Variants in HDAC4 observed in about 807,000 individuals in gnomAD.
HDAC4 encodes histone deacetylase A.
A neutral mutation model predicts 135.1 loss-of-function variants in HDAC4; 16 were observed. The observed-to-expected ratio is 0.12, with a 90% CI of 0.08 to 0.18. The LOEUF is 0.18. Ranked by LOEUF, HDAC4 falls within the 10% of genes least tolerant of loss-of-function variation. The probability of loss-of-function intolerance (pLI) is 1.00; values close to 1 mark genes in which losing one functional copy is unlikely to be tolerated. For synonymous variants in HDAC4, 685 were observed against 653.4 expected (o/e 1.05, Z -0.74); for missense variants, 1,143 against 1,511.8 (o/e 0.76, Z 4.05).
chr2:239,251,500 C>T (rs928168518), intron 2 of HDAC4, among the ~76,000 whole-genome samples: 46 of 152,154 alleles, frequency 3.0e-4, no homozygotes, highest in Admixed American at 2.0e-3. Context: ...GAGGCTGAGG[C>T]ACGAGGATCT....
At chr2:239,204,305 C>G (rs1460952650) in intron 3 of HDAC4, among the ~76,000 whole-genome samples, 5 of 152,206 alleles carry the variant, frequency 3.3e-5, no homozygotes, top group African/African-American at 9.6e-5. Flanking sequence ...TGTGCCCGGG[C>G]CACGGGCCCT....
At chr2:239,362,670 G>C (rs1025987963) in intron 1 of HDAC4, among the ~76,000 whole-genome samples, 1 of 152,136 alleles carries the variant, frequency 6.6e-6, no homozygotes, top group Non-Finnish European at 1.5e-5. Context: ...ACACAAAGGA[G>C]AGCAGCCTGC....
intron 2 of HDAC4, among the ~76,000 whole-genome samples, chr2:239,342,679 TTGTAGCAC>T (rs1351376176): frequency 6.6e-6 from 1 of 152,156 alleles, no homozygotes; most frequent in Non-Finnish European, 1.5e-5. Context: ...TGAGTCCGTG[TTGTAGCAC>T]TGAAGGAAAG....
At chr2:239,074,188 A>G (rs62189537) in intron 22 of HDAC4, among the ~76,000 whole-genome samples, 15,083 of 152,322 alleles carry the variant, frequency 0.099, 955 homozygotes, top group Non-Finnish European at 0.15. Flanking sequence ...TTCTTGTCAT[A>G]AAACCTTTTT....
At chr2:239,361,937 C>A (rs936187170) in intron 1 of HDAC4, among the ~76,000 whole-genome samples, 3 of 152,208 alleles carry the variant, frequency 2.0e-5, no homozygotes, top group African/African-American at 7.2e-5. Flanking sequence ...ATGGAAAGCA[C>A]ATGCTACTAA....
chr2:239,101,764 C>T (rs1224693883), intron 16 of HDAC4, among the ~76,000 whole-genome samples: 1 of 152,110 alleles, frequency 6.6e-6, no homozygotes, highest in African/African-American at 2.4e-5. Flanking sequence ...CCCTGGGATC[C>T]CCTGGCCCTC....
At chr2:239,226,148 C>T (rs2047227436) in intron 3 of HDAC4, among the ~76,000 whole-genome samples, 1 of 152,088 alleles carries the variant, frequency 6.6e-6, no homozygotes, top group Non-Finnish European at 1.5e-5. Flanking sequence ...CCTTAAAGCA[C>T]ACAAAGCTGG....
chr2:239,074,736 C>T (rs1008719576), intron 22 of HDAC4, among the ~76,000 whole-genome samples: 7 of 152,224 alleles, frequency 4.6e-5, no homozygotes, highest in African/African-American at 1.7e-4. Flanking sequence ...AACGTCCCTT[C>T]TCCTCCATGG....
intron 11 of HDAC4, among the ~76,000 whole-genome samples, chr2:239,131,107 A>G (rs1437459417): frequency 6.6e-6 from 1 of 152,242 alleles, no homozygotes; most frequent in African/African-American, 2.4e-5. Flanking sequence ...GGAGCAGCAC[A>G]TGAACAGGGA....
At chr2:239,144,797 C>T (rs1274356825) in intron 7 of HDAC4, 83 bp from the exon 8 acceptor site, 8 of 1,404,308 alleles carry the variant, frequency 5.7e-6, no homozygotes, top group Admixed American at 1.7e-5. Context: ...TAAAAATACG[C>T]ACTCTGGTGA....
rs1269967222 is a variant in HDAC4, at chr2:239,240,266, T to C, written c.23-3602A>G. Among the ~76,000 whole-genome samples, 1 of 152,182 alleles carries C rather than the reference T, an allele frequency of 6.6e-6. No individual in the cohort carries two copies. Among genetic ancestry groups the C allele is most frequent in the African/African-American group, 2.4e-5 (1 of 41,442 alleles). On this transcript the variant is annotated intron_variant, in intron 2 of 26. Coordinates refer to ENST00000543185, the MANE Select transcript of HDAC4 (RefSeq NM_001378414.1). The surrounding 1 kb of genome is among the most constrained non-coding windows in gnomAD (Gnocchi z 4.5). The stretch of plus-strand genomic sequence containing the variant: ...AGCGTGGCCAGTGGGGCAAAGAACG[T>C]CTGTCACCAGGGTGAAATAGACAAG...
chr2:239,250,189 A>G (rs2124934318), intron 2 of HDAC4, among the ~76,000 whole-genome samples: 1 of 152,364 alleles, frequency 6.6e-6, no homozygotes, highest in Admixed American at 6.5e-5. Flanking sequence ...TGACTCTGAC[A>G]AGCACTATCA....
At chr2:239,148,933 T>C (rs2152927656) in intron 7 of HDAC4, among the ~76,000 whole-genome samples, 1 of 152,232 alleles carries the variant, frequency 6.6e-6, no homozygotes, top group South Asian at 2.1e-4. Context: ...AATGATCAAC[T>C]TCCGGAAAAA....
intron 7 of HDAC4, among the ~76,000 whole-genome samples, chr2:239,147,682 C>T (rs2041854637): frequency 6.6e-6 from 1 of 152,282 alleles, no homozygotes; most frequent in African/African-American, 2.4e-5. Flanking sequence ...GTTGCTCCCA[C>T]CAAGCGTGGG....
chr2:239,345,533 G>A (rs1484120900), intron 2 of HDAC4, among the ~76,000 whole-genome samples: 2 of 151,692 alleles, frequency 1.3e-5, no homozygotes, highest in Admixed American at 1.3e-4. Flanking sequence ...CAGCCTGGGC[G>A]ACAGCAAGAC....
At position 239,308,222 on chromosome 2, in the gene HDAC4, G is replaced by A. The variant is rs1220458538; in HGVS notation, c.22+44456C>T. Among the ~76,000 whole-genome samples the A allele has an allele frequency of 6.6e-6, 1 of 152,154 alleles. No homozygotes were observed. The highest frequency in any genetic ancestry group is 1.5e-5 in the Non-Finnish European group (1 of 68,024). ...CTTGACGATGAGCTATCAGCTTAGG[G>A]ACAAGAGAGCTAGAGACCCGGGGGG... On this transcript the variant is annotated intron_variant, in intron 2 of 26. Coordinates refer to ENST00000543185, the MANE Select transcript of HDAC4 (RefSeq NM_001378414.1). The surrounding 1 kb of genome is among the most constrained non-coding windows in gnomAD (Gnocchi z 4.2).
chr2:239,123,286 C>T (rs1320300226), intron 12 of HDAC4, among the ~76,000 whole-genome samples: 5 of 152,240 alleles, frequency 3.3e-5, no homozygotes, highest in Non-Finnish European at 5.9e-5. Context: ...GCCCGACACG[C>T]CCACAGCCTG....
chr2:239,174,097 T>C (rs927426096), intron 5 of HDAC4, among the ~76,000 whole-genome samples: 1 of 152,106 alleles, frequency 6.6e-6, no homozygotes, highest in African/African-American at 2.4e-5. Context: ...TCCTAGGAGA[T>C]AATTAAAGAG....
rs1423784250 is a variant in HDAC4 at position 239,116,707 on chromosome 2, G to C, written c.1534-1397C>G. ...TCTGCCATCCTGCCTCTGCTGAAGA[G>C]CCCCTCCATCGTGTGGCCATGTTGC... On this transcript the variant is annotated intron_variant, in intron 12 of 26. Coordinates refer to ENST00000543185, the MANE Select transcript of HDAC4 (RefSeq NM_001378414.1). 2.0e-5 allele frequency among the ~76,000 whole-genome samples: 3 copies of C among 152,166 alleles called. No individual in the cohort carries two copies. The East Asian group carries it at 5.8e-4, about 29-fold the overall frequency.
Sources: gnomAD v4.1 joint callset for allele counts (sites outside exome capture counted in the v4.1 genomes callset) on GRCh38, gnomAD v4.1.1 for gene constraint, Gnocchi (gnomAD v3.1) non-coding constraint, MANE v1.5 for transcripts, NCBI Gene and HGNC (gene_info 2026-07-23, HGNC 2026-07-21) for gene names.